The following HMGA2 variants were observed in gnomAD, a reference collection of about 807,000 sequenced individuals.
HMGA2 encodes high mobility group AT-hook 2.
Under a neutral mutation model 19.1 loss-of-function variants are expected in HMGA2, and 8 were observed. The ratio of observed to expected loss-of-function variants is 0.42; its 90% CI spans 0.25 to 0.76. The LOEUF is 0.76. Ranked by LOEUF, HMGA2 falls within the 30% of genes least tolerant of loss-of-function variation. The pLI is 0.28. For synonymous variants in HMGA2, 60 were observed against 48.8 expected (o/e 1.23, Z -0.96); for missense variants, 109 against 136.3 (o/e 0.80, Z 1.00).
chr12:65,919,569 C>T (rs1313689465), intron 3 of HMGA2, among the ~76,000 whole-genome samples: 1 of 152,144 alleles, frequency 6.6e-6, no homozygotes, highest in Non-Finnish European at 1.5e-5. Flanking sequence ...AAGGCTAATC[C>T]AATAATTCTT....
At chr12:65,889,348 C>A (rs1338494843) in intron 3 of HMGA2, among the ~76,000 whole-genome samples, 1 of 152,174 alleles carries the variant, frequency 6.6e-6, no homozygotes, top group African/African-American at 2.4e-5. Flanking sequence ...CTTGTCTTTT[C>A]CAACAAAGTG....
At chr12:65,881,152 T>C (rs1873359915) in intron 3 of HMGA2, 1 of 154,730 alleles carries the variant, frequency 6.5e-6, no homozygotes, top group African/African-American at 2.4e-5. Context: ...TGTGTACCTC[T>C]GGCTATCCTG....
intron 3 of HMGA2, chr12:65,881,933 A>T (rs976877000): frequency 1.9e-5 from 13 of 701,112 alleles, no homozygotes; most frequent in Middle Eastern, 4.6e-4. Context: ...AGGCATGGAG[A>T]GATTCCAATT....
chr12:65,861,450 G>A (rs566645411), intron 3 of HMGA2, among the ~76,000 whole-genome samples: 16 of 152,210 alleles, frequency 1.1e-4, no homozygotes, highest in South Asian at 4.1e-4. Context: ...AAAACAGAGC[G>A]TTCCATGTGA....
At chr12:65,874,330 T>C (rs1592408671) in intron 3 of HMGA2, 1 of 152,140 alleles carries the variant, frequency 6.6e-6, no homozygotes, top group Admixed American at 6.5e-5. Flanking sequence ...TACTACTTAG[T>C]TGAAGACTTT....
At position 65,833,329 on chromosome 12, in the gene HMGA2, T is replaced by G. The variant is rs116402690; in HGVS notation, c.199-5190T>G. 2.6e-3 allele frequency among the ~76,000 whole-genome samples: 399 copies of G among 152,208 alleles called. 4 individuals carry two copies. Among genetic ancestry groups the G allele is most frequent in the African/African-American group, 8.9e-3 (369 of 41,550 alleles). ...GCAACTGAAGGAAATAAAATGTGCT[T>G]TCTAGGCTTTGGATAGTGGGCTTCA... On this transcript the variant is annotated intron_variant, in intron 2 of 4. Transcript: ENST00000403681.
intron 3 of HMGA2, among the ~76,000 whole-genome samples, chr12:65,877,787 T>A (rs1476471230): frequency 6.6e-6 from 1 of 151,796 alleles, no homozygotes; most frequent in African/African-American, 2.4e-5. Flanking sequence ...GTTTTTTTTT[T>A]AGGCCTCTTC....
Position 65,824,697 on chromosome 12 carries a change from T to C in HMGA2, c.-574T>C. On this transcript the variant is annotated 5_prime_UTR_variant, in exon 1 of 5. Coordinates refer to ENST00000403681, the MANE Select transcript of HMGA2 (RefSeq NM_003483.6). ...TTTGCTTTCCGACTGCCCAAGGCAC[T>C]TTCAATCTCAATCTCTTCTCTCTCT... 1 of 225,642 alleles carries C rather than the reference T, an allele frequency of 4.4e-6. No homozygotes were observed. The highest frequency in any genetic ancestry group is 2.3e-5 in the African/African-American group (1 of 43,076). 14.0% of individuals were successfully genotyped at this position (225,642 alleles called of 1,614,324 possible).
At chr12:65,857,994 A>C (rs988184162) in intron 3 of HMGA2, 1 of 152,954 alleles carries the variant, frequency 6.5e-6, no homozygotes, top group Non-Finnish European at 1.5e-5. Context: ...AGAACTTTCT[A>C]TAATGGTGCT....
At position 65,824,731 on chromosome 12, in the gene HMGA2, CTCTCT is replaced by C. The variant is rs1870040396; in HGVS notation, c.-539_-535del. On this transcript the variant is annotated 5_prime_UTR_variant, in exon 1 of 5. Transcript: ENST00000403681. ...CAATCTCTTCTCTCTCTCTCTCTCT[CTCTCT>C]CTCTCTCTCTCTCTCTCTCTCTCTC... 1 of 200,426 alleles carries C rather than the reference CTCTCT, an allele frequency of 5.0e-6. No homozygotes were observed. 12.4% of individuals were successfully genotyped at this position (200,426 alleles called of 1,614,324 possible).
chr12:65,855,458 T>TCTCTCTCACACA (rs140365204), intron 3 of HMGA2, among the ~76,000 whole-genome samples: 2 of 140,138 alleles, frequency 1.4e-5, no homozygotes, highest in African/African-American at 5.5e-5. Flanking sequence ...TCTCTCTCTC[T>TCTCTCTCACACA]CACACACACA....
At chr12:65,835,063 CTT>C (rs1452924375) in intron 2 of HMGA2, among the ~76,000 whole-genome samples, 1 of 152,120 alleles carries the variant, frequency 6.6e-6, no homozygotes, top group Non-Finnish European at 1.5e-5. Context: ...CCTTTTCTCT[CTT>C]GATGTGAGCA....
At chr12:65,950,539 G>A (rs1159947535) in intron 3 of HMGA2, among the ~76,000 whole-genome samples, 1 of 152,176 alleles carries the variant, frequency 6.6e-6, no homozygotes, top group Admixed American at 6.5e-5. Flanking sequence ...TGGTCACTTA[G>A]GCATGGGAGG....
chr12:65,858,457 T>C (rs1427099141), intron 3 of HMGA2: 8 of 152,158 alleles, frequency 5.3e-5, no homozygotes, highest in African/African-American at 9.7e-5. Flanking sequence ...TTATGTATGA[T>C]CTAAAGGGAA....
chr12:65,875,728 G>A (rs748712914), intron 3 of HMGA2, among the ~76,000 whole-genome samples: 8 of 150,378 alleles, frequency 5.3e-5, no homozygotes, highest in African/African-American at 2.0e-4. Context: ...TGGGATTATA[G>A]GCGTAAGCCA....
intron 3 of HMGA2, chr12:65,856,721 T>C (rs1871763589): frequency 1.3e-5 from 2 of 152,404 alleles, no homozygotes; most frequent in African/African-American, 4.8e-5. Flanking sequence ...AAGAATCTGT[T>C]CCATCTCTTT....
At chr12:65,940,631 A>C (rs1251361058) in intron 3 of HMGA2, among the ~76,000 whole-genome samples, 1 of 152,234 alleles carries the variant, frequency 6.6e-6, no homozygotes, top group Non-Finnish European at 1.5e-5. Flanking sequence ...AAAAATAAGA[A>C]GCACAGAATA....
At chr12:65,881,397 C>T (rs1281349962) in intron 3 of HMGA2, 4 of 302,954 alleles carry the variant, frequency 1.3e-5, no homozygotes, top group Non-Finnish European at 1.2e-5. Flanking sequence ...TGCCTTCCCT[C>T]CAACATCCTT....
intron 2 of HMGA2, among the ~76,000 whole-genome samples, chr12:65,835,662 G>A (rs1271941985): frequency 6.6e-6 from 1 of 152,042 alleles, no homozygotes; most frequent in Non-Finnish European, 1.5e-5. Flanking sequence ...GTTTTTGAGA[G>A]ATTTGCTTTC....
Sources: allele counts gnomAD v4.1 joint callset (sites outside exome capture counted in the v4.1 genomes callset), GRCh38; gene constraint gnomAD v4.1.1; transcripts MANE v1.5; gene names NCBI Gene and HGNC (gene_info 2026-07-23, HGNC 2026-07-21).